Variants in RBFOX1 observed in about 807,000 individuals in gnomAD.
RBFOX1 encodes the protein RNA binding protein fox-1 homolog 1.
A neutral mutation model predicts 57.7 loss-of-function variants in RBFOX1; 8 were observed. The ratio of observed to expected loss-of-function variants is 0.14; its 90% confidence interval spans 0.08 to 0.25. The LOEUF (loss-of-function observed/expected upper bound fraction) is 0.25. Among genes scored for constraint, RBFOX1 ranks in the 10% least tolerant of loss-of-function variants. RBFOX1 has a pLI of 1.00. For missense variants in RBFOX1, 611 were observed against 548.5 expected (o/e 1.11, Z -1.14); for synonymous variants, 326 against 222.4 (o/e 1.47, Z -4.15).
At chr16:7,557,834 C>G (rs1331041068) in intron 5 of RBFOX1, among the ~76,000 whole-genome samples, 5 of 151,776 alleles carry the variant, frequency 3.3e-5, no homozygotes, top group Admixed American at 6.6e-5. Context: ...AAGCATTTGC[C>G]AATTTCCATG....
chr16:5,338,084 A>C (rs1276249288), intron 1 of RBFOX1, among the ~76,000 whole-genome samples: 1 of 152,088 alleles, frequency 6.6e-6, no homozygotes, highest in Non-Finnish European at 1.5e-5. Context: ...TCTTCTAGGG[A>C]TAGAGGGTGA....
chr16:5,885,273 A>C (rs903342920), intron 4 of RBFOX1, among the ~76,000 whole-genome samples: 1 of 151,718 alleles, frequency 6.6e-6, no homozygotes, highest in Non-Finnish European at 1.5e-5. Flanking sequence ...GAATCAACAT[A>C]ATACTGTGTT....
intron 3 of RBFOX1, among the ~76,000 whole-genome samples, chr16:6,834,962 GGT>G (rs1176676726): frequency 1.4e-5 from 2 of 148,098 alleles, no homozygotes; most frequent in African/African-American, 5.0e-5. Flanking sequence ...GCGCGATCTT[GGT>G]TCACTGTAAG....
chr16:6,451,150 T>G (rs1386332151), intron 2 of RBFOX1, among the ~76,000 whole-genome samples: 3 of 151,776 alleles, frequency 2.0e-5, no homozygotes, highest in Non-Finnish European at 4.4e-5. Flanking sequence ...TTTGATCCAG[T>G]GCATGCTTGT....
At chr16:6,404,990 A>C (rs7194385) in intron 2 of RBFOX1, among the ~76,000 whole-genome samples, 16,667 of 152,176 alleles carry the variant, frequency 0.11, 1,348 homozygotes, top group African/African-American at 0.22. Flanking sequence ...AGAACTTCGA[A>C]CTAATTCTAG....
At chr16:5,460,122 G>A (rs567753835) in intron 1 of RBFOX1, among the ~76,000 whole-genome samples, 3 of 152,148 alleles carry the variant, frequency 2.0e-5, no homozygotes, top group East Asian at 1.9e-4. Context: ...GTGTAAAGTC[G>A]GCATGTTTTT....
At chr16:5,923,007 T>A (rs2058857392) in intron 4 of RBFOX1, among the ~76,000 whole-genome samples, 1 of 152,160 alleles carries the variant, frequency 6.6e-6, no homozygotes, top group Non-Finnish European at 1.5e-5. Context: ...CAGCCAGGTG[T>A]CTCAACCCCC....
chr16:7,334,671 A>G (rs960583778), intron 4 of RBFOX1, among the ~76,000 whole-genome samples: 1 of 152,202 alleles, frequency 6.6e-6, no homozygotes, highest in African/African-American at 2.4e-5. Context: ...GGAATTAAAT[A>G]ACTATCGATT....
intron 3 of RBFOX1, among the ~76,000 whole-genome samples, chr16:5,660,502 G>A (rs1465795888): frequency 2.0e-5 from 3 of 152,160 alleles, no homozygotes; most frequent in Non-Finnish European, 4.4e-5. Flanking sequence ...CATACGTTGT[G>A]TGTGATGCGT....
At chr16:6,869,010 A>G (rs544215377) in intron 3 of RBFOX1, among the ~76,000 whole-genome samples, 13 of 152,354 alleles carry the variant, frequency 8.5e-5, no homozygotes, top group Non-Finnish European at 1.9e-4. Flanking sequence ...GACTACAAAA[A>G]ACAAAAGTTC....
At chr16:7,224,799 G>T (rs80251515) in intron 4 of RBFOX1, among the ~76,000 whole-genome samples, 3,908 of 152,288 alleles carry the variant, frequency 0.026, 177 homozygotes, top group African/African-American at 0.089. Context: ...CCAAAGACCA[G>T]CCTCACTTGG....
chr16:7,378,598 G>T (rs776514534), intron 4 of RBFOX1, among the ~76,000 whole-genome samples: 4 of 152,214 alleles, frequency 2.6e-5, no homozygotes, highest in African/African-American at 4.8e-5. Flanking sequence ...GGTGGGAGAA[G>T]CATTAGGCAC....
At chr16:7,458,961 C>G (rs1033697609) in intron 4 of RBFOX1, among the ~76,000 whole-genome samples, 1 of 152,146 alleles carries the variant, frequency 6.6e-6, no homozygotes, top group African/African-American at 2.4e-5. Flanking sequence ...CCTTGCAGTG[C>G]CTTTCACAAA....
rs1333656726 is a variant in RBFOX1, at chr16:7,645,038, G to A, written c.758-8777G>A. On this transcript the variant is annotated intron_variant, in intron 11 of 15. Transcript: ENST00000550418. ...TTATTCCCGAAGTCTAGCTGAAGTCGAGATTTAGATCAATATATTCAGCTT... is the reference window on the plus strand; with the variant it reads ...TTATTCCCGAAGTCTAGCTGAAGTCAAGATTTAGATCAATATATTCAGCTT... 3.3e-5 allele frequency among the ~76,000 whole-genome samples: 5 copies of A among 152,244 alleles called. No individual in the cohort carries two copies. The East Asian group carries it at 7.7e-4, about 24-fold the overall frequency.
chr16:7,600,442 A>G (rs539682932), intron 9 of RBFOX1, among the ~76,000 whole-genome samples: 14 of 152,286 alleles, frequency 9.2e-5, no homozygotes, highest in Admixed American at 6.5e-4. Context: ...ATACAATATA[A>G]CTGAAAAAAT....
chr16:6,197,911 G>C (rs2097191008), intron 1 of RBFOX1, among the ~76,000 whole-genome samples: 1 of 152,034 alleles, frequency 6.6e-6, no homozygotes, highest in Non-Finnish European at 1.5e-5. Context: ...TTGGTTTTCT[G>C]TCCCTGCATT....
At chr16:6,947,923 C>A (rs1163949828) in intron 3 of RBFOX1, among the ~76,000 whole-genome samples, 3 of 152,046 alleles carry the variant, frequency 2.0e-5, no homozygotes, top group Non-Finnish European at 4.4e-5. Context: ...ATTACAGGCT[C>A]AACCCACCAT....
chr16:6,067,143 T>A (rs2095775792), intron 1 of RBFOX1, among the ~76,000 whole-genome samples: 2 of 152,272 alleles, frequency 1.3e-5, no homozygotes, highest in East Asian at 1.9e-4. Context: ...TTTTGTGCAT[T>A]GCTAAGTTCA....
chr16:5,903,189 C>A (rs1356772517), intron 4 of RBFOX1, among the ~76,000 whole-genome samples: 1 of 152,054 alleles, frequency 6.6e-6, no homozygotes, highest in Admixed American at 6.6e-5. Flanking sequence ...AAAATGTAAA[C>A]CCATGCAGTG....
Sources: allele counts gnomAD v4.1 joint callset (sites outside exome capture counted in the v4.1 genomes callset), GRCh38; gene constraint gnomAD v4.1.1; transcripts MANE v1.5; gene names NCBI Gene and HGNC (gene_info 2026-07-23, HGNC 2026-07-21).